The following CREBBP variants were observed in gnomAD, a reference collection of about 807,000 sequenced individuals.
CREBBP encodes CREB-binding protein.
A neutral mutation model predicts 265.0 loss-of-function variants in CREBBP; 19 were observed. The ratio of observed to expected loss-of-function variants is 0.07; its 90% confidence interval spans 0.05 to 0.11. The LOEUF (loss-of-function observed/expected upper bound fraction) is 0.11, where lower values mean the gene tolerates loss of function less well. Ranked by LOEUF, CREBBP falls within the 10% of genes least tolerant of loss-of-function variation. The pLI is 1.00. For synonymous variants in CREBBP, 1,457 were observed against 1,223.7 expected, an observed-to-expected ratio of 1.19 and a Z score of -3.98; for missense variants, 2,525 against 3,219.0, an observed-to-expected ratio of 0.78 and a Z score of 5.22.
chr16:3,735,968 CT>C, intron 28 of CREBBP, 67 bp downstream of exon 28: 1 of 1,613,636 alleles, frequency 6.2e-7, no homozygotes, highest in Non-Finnish European at 8.5e-7. Flanking sequence ...CGACACGCGC[CT>C]CCCAGCCTGC....
At chr16:3,783,453 C>G (rs1206795249) in intron 5 of CREBBP, among the ~76,000 whole-genome samples, 1 of 152,210 alleles carries the variant, frequency 6.6e-6, no homozygotes, top group South Asian at 2.1e-4. Flanking sequence ...ATGTGCTCTT[C>G]CAAATCACAT....
At chr16:3,789,342 G>A (rs931838277) in intron 5 of CREBBP, among the ~76,000 whole-genome samples, 6 of 152,178 alleles carry the variant, frequency 3.9e-5, no homozygotes, top group South Asian at 2.1e-4. Flanking sequence ...TGTGCACTGT[G>A]CAGACACTGT....
chr16:3,774,534 G>C, intron 12 of CREBBP, 35 bp downstream of exon 12: 3 of 1,613,416 alleles, frequency 1.9e-6, no homozygotes, highest in Non-Finnish European at 2.5e-6. Flanking sequence ...GTGAGAGGGA[G>C]GGCTATCTGC....
At chr16:3,836,431 C>G (rs2054452389) in intron 2 of CREBBP, among the ~76,000 whole-genome samples, 1 of 127,160 alleles carries the variant, frequency 7.9e-6, no homozygotes, top group Non-Finnish European at 1.6e-5. Flanking sequence ...GAGACTGTGT[C>G]TCAAAAAAAA....
At chr16:3,797,328 T>C (rs1372128052) in intron 3 of CREBBP, among the ~76,000 whole-genome samples, 1 of 152,180 alleles carries the variant, frequency 6.6e-6, no homozygotes, top group African/African-American at 2.4e-5. Context: ...TAAAGCTAAT[T>C]TCTTTACTTA....
At chr16:3,827,170 A>T (rs2054253606) in intron 2 of CREBBP, among the ~76,000 whole-genome samples, 1 of 151,896 alleles carries the variant, frequency 6.6e-6, no homozygotes, top group African/African-American at 2.4e-5. Flanking sequence ...TCTAAAAAAA[A>T]TTTAAGTCTA....
chr16:3,877,712 G>C (rs1808551621), intron 1 of CREBBP, among the ~76,000 whole-genome samples: 1 of 152,212 alleles, frequency 6.6e-6, no homozygotes, highest in Admixed American at 6.5e-5. Context: ...GCAGCCCCTT[G>C]TTTAATGTGC....
chr16:3,834,978 G>A (rs554425720), intron 2 of CREBBP, among the ~76,000 whole-genome samples: 3 of 152,270 alleles, frequency 2.0e-5, no homozygotes, highest in East Asian at 3.9e-4. Context: ...CTAACACGGT[G>A]AAACCCCGTC....
At chr16:3,759,283 T>C (rs1348785807) in intron 16 of CREBBP, among the ~76,000 whole-genome samples, 7 of 152,066 alleles carry the variant, frequency 4.6e-5, no homozygotes, top group African/African-American at 1.5e-4. Context: ...TTCATCAAAC[T>C]GGGTGGCAAA....
intron 2 of CREBBP, among the ~76,000 whole-genome samples, chr16:3,848,286 T>C (rs766128664): frequency 2.0e-5 from 3 of 152,152 alleles, no homozygotes; most frequent in African/African-American, 4.8e-5. Context: ...TGGCTTTGTG[T>C]TTAGGTGTAC....
intron 1 of CREBBP, among the ~76,000 whole-genome samples, chr16:3,868,119 G>A (rs544842059): frequency 6.7e-4 from 102 of 152,190 alleles, no homozygotes; most frequent in African/African-American, 2.3e-3. Flanking sequence ...TCTAGAATAC[G>A]TAAGAAACAG....
At chr16:3,838,309 T>C (rs73503916) in intron 2 of CREBBP, among the ~76,000 whole-genome samples, 2,252 of 152,262 alleles carry the variant, frequency 0.015, 62 homozygotes, top group African/African-American at 0.052. Context: ...GTACACTATA[T>C]AGCCTAGGTG....
chr16:3,773,651 G>T, intron 13 of CREBBP, 100 bp downstream of exon 13: 1 of 1,279,420 alleles, frequency 7.8e-7, no homozygotes. Context: ...TGTGCATTCT[G>T]GAATTTTAAT....
chr16:3,747,512 C>A (rs1157465715), intron 21 of CREBBP, among the ~76,000 whole-genome samples: 1 of 152,208 alleles, frequency 6.6e-6, no homozygotes, highest in Non-Finnish European at 1.5e-5. Context: ...TCCCTTCTGT[C>A]TGGGACTCAC....
chr16:3,767,882 A>C lies in CREBBP; in HGVS notation c.3088T>G (p.Ser1030Ala). The C allele has an allele frequency of 6.2e-7, 1 of 1,614,126 alleles. No homozygotes were observed. The highest frequency in any genetic ancestry group is 8.5e-7 in the Non-Finnish European group (1 of 1,180,028). ...ATGTCTGTTTCTTCTTTAACTTGGG[A>C]AGCTCCTTGCAAATCCTCCTCCATC... Reference protein sequence around the residue: ...EMMEEDLQGASQVKEETDIAE... With the variant: ...EMMEEDLQGAAQVKEETDIAE... Residue 1030 changes from serine (S) to alanine (A), a missense_variant, in exon 16 of 31, where the codon TCC becomes GCC. By Grantham distance (99) the Ser-to-Ala change is moderately conservative (BLOSUM62 1). This residue lies in a region of CREBBP where 548 missense variants were observed against 533.0 expected (regional missense o/e 1.03). Coordinates refer to ENST00000262367, the MANE Select transcript of CREBBP (RefSeq NM_004380.3).
chr16:3,838,924 G>C (rs973163774), intron 2 of CREBBP, among the ~76,000 whole-genome samples: 2 of 152,130 alleles, frequency 1.3e-5, no homozygotes, highest in African/African-American at 4.8e-5. Context: ...ATGTTGTGTG[G>C]CTATCTCAAA....
chr16:3,879,792 G>A (rs887168292), intron 1 of CREBBP, 40 bp downstream of exon 1: 1 of 1,544,906 alleles, frequency 6.5e-7, no homozygotes, highest in African/African-American at 1.4e-5. Context: ...GGGGGTGACA[G>A]CGCGCCCCGG....
intron 20 of CREBBP, among the ~76,000 whole-genome samples, chr16:3,751,330 G>C (rs192230242): frequency 2.6e-4 from 39 of 152,290 alleles, no homozygotes; most frequent in Admixed American, 8.5e-4. Context: ...ACAACAGACT[G>C]TAATCCCAGC....
intron 16 of CREBBP, among the ~76,000 whole-genome samples, chr16:3,764,375 C>T (rs1188013181): frequency 1.3e-5 from 2 of 152,156 alleles, no homozygotes; most frequent in African/African-American, 4.8e-5. Context: ...CTCCTGGGCT[C>T]AAGCAATCTT....
Sources: allele counts gnomAD v4.1 joint callset (sites outside exome capture counted in the v4.1 genomes callset), GRCh38; gene constraint gnomAD v4.1.1; regional missense constraint gnomAD v4.1.1; transcripts MANE v1.5; gene names NCBI Gene and HGNC (gene_info 2026-07-23, HGNC 2026-07-21).